GSE1: variants seen among roughly 807,000 people sequenced by gnomAD.
GSE1 encodes Gse1 coiled-coil protein.
In GSE1, 32 loss-of-function variants were observed where a neutral mutation model predicts 112.6. The ratio of observed to expected loss-of-function variants is 0.28; its 90% CI spans 0.21 to 0.38. The LOEUF is 0.38. Ranked by LOEUF, GSE1 falls within the 10% of genes least tolerant of loss-of-function variation. The probability of loss-of-function intolerance (pLI) is 1.00; values close to 1 mark genes in which losing one functional copy is unlikely to be tolerated. For synonymous variants in GSE1, 1,115 were observed against 735.6 expected (o/e 1.52, Z -8.35); for missense variants, 2,348 against 1,699.2 (o/e 1.38, Z -6.71).
intron 2 of GSE1, among the ~76,000 whole-genome samples, chr16:85,418,821 T>A (rs1375522931): frequency 2.0e-5 from 3 of 152,060 alleles, no homozygotes; most frequent in Non-Finnish European, 1.5e-5. Context: ...AGGGAGGGAT[T>A]GGATTTGGGA....
intron 2 of GSE1, among the ~76,000 whole-genome samples, chr16:85,422,275 T>A (rs1442866770): frequency 6.6e-6 from 1 of 151,952 alleles, no homozygotes; most frequent in Non-Finnish European, 1.5e-5. Context: ...AAAGATGAGA[T>A]CTGCTAGGGG....
At position 85,535,881 on chromosome 16, in the gene GSE1, T is replaced by C. The variant is rs114147303; in HGVS notation, c.2465-98033T>C. 7.8e-3 allele frequency among the ~76,000 whole-genome samples: 1,187 copies of C among 152,346 alleles called. 14 individuals are homozygous for C. Among genetic ancestry groups the C allele is most frequent in the African/African-American group, 0.027 (1,142 of 41,592 alleles). On this transcript the variant is annotated intron_variant, in intron 2 of 2. Coordinates refer to the GSE1 transcript ENST00000637419. ...GGCCTGTCCTGTCCGGCCCTACCTC[T>C]ACCTCATGTGGTCTCTGACGGGCAT... is the stretch of plus-strand genomic sequence containing the variant.
At chr16:85,455,690 C>T (rs1394800069) in intron 2 of GSE1, among the ~76,000 whole-genome samples, 1 of 152,354 alleles carries the variant, frequency 6.6e-6, no homozygotes, top group Admixed American at 6.5e-5. Flanking sequence ...AGCTGCCTCC[C>T]CCGCACGAGA....
At chr16:85,570,234 A>C (rs56280896) in intron 1 of GSE1, among the ~76,000 whole-genome samples, 3 of 151,860 alleles carry the variant, frequency 2.0e-5, no homozygotes, top group Admixed American at 2.0e-4. Flanking sequence ...GTCCATCTTC[A>C]AGGACCTTGG....
chr16:85,623,882 T>G (rs1247807675), intron 1 of GSE1, among the ~76,000 whole-genome samples: 1 of 152,164 alleles, frequency 6.6e-6, no homozygotes, highest in Admixed American at 6.5e-5. Context: ...GGTGTCCAGC[T>G]CCTGTACGGC....
intron 1 of GSE1, among the ~76,000 whole-genome samples, chr16:85,246,010 T>C (rs1386324025): frequency 6.6e-6 from 1 of 151,122 alleles, no homozygotes; most frequent in East Asian, 1.9e-4. Context: ...AAGGGGTGTG[T>C]GCGTGTGTGT....
At chr16:85,292,710 T>G (rs2045258305) in intron 1 of GSE1, among the ~76,000 whole-genome samples, 2 of 152,172 alleles carry the variant, frequency 1.3e-5, no homozygotes, top group Admixed American at 1.3e-4. Flanking sequence ...TCCACCTGCC[T>G]CGACCTCCCA....
intron 2 of GSE1, among the ~76,000 whole-genome samples, chr16:85,430,536 C>T (rs550389084): frequency 1.6e-4 from 25 of 152,306 alleles, no homozygotes; most frequent in Non-Finnish European, 1.5e-4. Context: ...CCCTGCACCT[C>T]GAAGGCCAGG....
chr16:85,321,701 C>T (rs1475534357), intron 1 of GSE1, among the ~76,000 whole-genome samples: 1 of 151,468 alleles, frequency 6.6e-6, no homozygotes, highest in African/African-American at 2.4e-5. Flanking sequence ...TGTAGTCCAG[C>T]TACTTGGGTG....
chr16:85,498,935 C>T (rs1043305665), intron 2 of GSE1, among the ~76,000 whole-genome samples: 1 of 152,222 alleles, frequency 6.6e-6, no homozygotes, highest in East Asian at 1.9e-4. Flanking sequence ...TTGCACAGAC[C>T]GGGGAGAGAA....
At chr16:85,546,114 T>C (rs2044691408) in intron 2 of GSE1, among the ~76,000 whole-genome samples, 2 of 151,588 alleles carry the variant, frequency 1.3e-5, no homozygotes. Context: ...TGAGACAGTC[T>C]AGCTCTGTTG....
intron 1 of GSE1, among the ~76,000 whole-genome samples, chr16:85,184,222 C>T (rs916984373): frequency 6.6e-6 from 1 of 152,176 alleles, no homozygotes; most frequent in Admixed American, 6.5e-5. Context: ...TCAGGCCTGT[C>T]TTTTTGTTGT....
At chr16:85,261,781 C>T (rs1317424808) in intron 1 of GSE1, among the ~76,000 whole-genome samples, 2 of 152,180 alleles carry the variant, frequency 1.3e-5, no homozygotes, top group African/African-American at 2.4e-5. Flanking sequence ...CCATCGTCCC[C>T]AGTCTACAGA....
At chr16:85,182,868 C>T (rs542428522) in intron 1 of GSE1, among the ~76,000 whole-genome samples, 2 of 152,190 alleles carry the variant, frequency 1.3e-5, no homozygotes, top group South Asian at 2.1e-4. Context: ...CTCCTCTGAC[C>T]CACACACCCC....
chr16:85,458,499 C>T (rs566799597), intron 2 of GSE1, among the ~76,000 whole-genome samples: 3 of 152,244 alleles, frequency 2.0e-5, no homozygotes, highest in Non-Finnish European at 4.4e-5. Flanking sequence ...GAGGCCCTGT[C>T]CCAGGTACCA....
At chr16:85,655,635 G>T (rs1009334907) in intron 5 of GSE1, 91 bp from the exon 6 acceptor site, 21 of 754,820 alleles carry the variant, frequency 2.8e-5, no homozygotes, top group Non-Finnish European at 4.2e-5. Flanking sequence ...GCTCAGGCAG[G>T]TGTGTGTACC....
chr16:85,455,985 A>G lies in GSE1; in HGVS notation c.2464+98342A>G, dbSNP rs1448616935. Reference sequence around the variant, plus strand: ...TAGCATCCTTATTTTAGAGACGAGGAAACTAAGGCTCAGAGAGGTTAATGA... The same window carrying G: ...TAGCATCCTTATTTTAGAGACGAGGGAACTAAGGCTCAGAGAGGTTAATGA... On this transcript the variant is annotated intron_variant, in intron 2 of 2. Coordinates refer to the GSE1 transcript ENST00000637419. 4.6e-5 allele frequency among the ~76,000 whole-genome samples: 7 copies of G among 152,226 alleles called. No individual in the cohort carries two copies. The East Asian group carries it at 1.3e-3, about 29-fold the overall frequency.
intron 2 of GSE1, among the ~76,000 whole-genome samples, chr16:85,361,747 C>T (rs890134376): frequency 1.8e-4 from 28 of 152,320 alleles, no homozygotes; most frequent in African/African-American, 6.7e-4. Flanking sequence ...TGGGCAGAGT[C>T]CCCCAGGGAA....
At chr16:85,613,636 G>A (rs1233745798) in intron 1 of GSE1, among the ~76,000 whole-genome samples, 1 of 151,510 alleles carries the variant, frequency 6.6e-6, no homozygotes, top group Non-Finnish European at 1.5e-5. Context: ...CGGGGGCTCC[G>A]GGCTCAGGAG....
Sources: allele counts gnomAD v4.1 joint callset (sites outside exome capture counted in the v4.1 genomes callset), GRCh38; gene constraint gnomAD v4.1.1; transcripts MANE v1.5; gene names NCBI Gene and HGNC (gene_info 2026-07-23, HGNC 2026-07-21).